C1orf87: variants seen among roughly 807,000 people sequenced by gnomAD.
C1orf87 encodes the protein uncharacterized protein C1orf87.
C1orf87 carries 58 observed loss-of-function variants against 60.5 expected under a neutral mutation model. The ratio of observed to expected loss-of-function variants is 0.96; its 90% CI spans 0.78 to 1.19. The LOEUF (loss-of-function observed/expected upper bound fraction) is 1.19, where lower values mean the gene tolerates loss of function less well. C1orf87 is among the 50% of genes most tolerant of loss of function. The pLI is 0.00. For missense variants in C1orf87, 673 were observed against 638.6 expected, an observed-to-expected ratio of 1.05 and a Z score of -0.58; for synonymous variants, 236 against 227.4, an observed-to-expected ratio of 1.04 and a Z score of -0.34.
intron 7 of C1orf87, among the ~76,000 whole-genome samples, chr1:60,031,981 A>AACACACACAC (rs56139918): frequency 6.7e-6 from 1 of 149,274 alleles, no homozygotes; most frequent in African/African-American, 2.5e-5. Flanking sequence ...ATAATATTCA[A>AACACACACAC]ACACACACAC....
At chr1:60,038,558 T>C (rs1300379503) in intron 5 of C1orf87, among the ~76,000 whole-genome samples, 2 of 152,202 alleles carry the variant, frequency 1.3e-5, no homozygotes, top group African/African-American at 2.4e-5. Context: ...TTTTTGTGGC[T>C]TTAAGCCACA....
At chr1:60,044,090 C>T (rs1362192266) in intron 3 of C1orf87, among the ~76,000 whole-genome samples, 1 of 152,140 alleles carries the variant, frequency 6.6e-6, no homozygotes, top group Non-Finnish European at 1.5e-5. Flanking sequence ...AGTGCAGTGG[C>T]GTGATCTCGG....
intron 6 of C1orf87, among the ~76,000 whole-genome samples, chr1:60,034,535 A>G (rs74828820): frequency 6.6e-6 from 1 of 152,184 alleles, no homozygotes; most frequent in Non-Finnish European, 1.5e-5. Context: ...ATCTTTAACA[A>G]TCAGCTTTGC....
At chr1:60,021,388 G>A in intron 8 of C1orf87, among the ~76,000 whole-genome samples, 1 of 152,264 alleles carries the variant, frequency 6.6e-6, no homozygotes, top group Middle Eastern at 3.4e-3. Flanking sequence ...ATACTGATAA[G>A]TGTTAGCAAA....
In C1orf87 at chr1:60,039,966, G is replaced by A; in HGVS notation, c.698C>T (p.Thr233Ile). The A allele has an allele frequency of 6.2e-7, 1 of 1,614,114 alleles. No individual in the cohort carries two copies. The highest frequency in any genetic ancestry group is 8.5e-7 in the Non-Finnish European group (1 of 1,179,978). The change falls in exon 5 of 12, where the codon ACA (threonine) becomes ATA (isoleucine). Residue 233 changes from threonine to isoleucine, a missense_variant. Thr to Ile is a moderately conservative substitution (Grantham distance 89). Coordinates refer to ENST00000371201, the MANE Select transcript of C1orf87 (RefSeq NM_152377.3). ...LKHEVPLQLP[T>I]VKILCQRFSK... ...AAATCTCTGACAAAGGATTTTAACTGTTGGTAACTGTAGAGGGACTTCATG... is the reference window on the plus strand; with the variant it reads ...AAATCTCTGACAAAGGATTTTAACTATTGGTAACTGTAGAGGGACTTCATG...
chr1:60,007,101 A>G lies in C1orf87; in HGVS notation c.1192+3291T>C, dbSNP rs146112052. Among the ~76,000 whole-genome samples the G allele has an allele frequency of 3.1e-3, 468 of 152,064 alleles. 1 individual carries two copies. Among genetic ancestry groups the G allele is most frequent in the African/African-American group, 0.011 (444 of 41,486 alleles). ...TAATTTCTTTATTATTTGTAGAGACAGGGTTTCACCTTGTTGCCCAGGCTG... is the reference window on the plus strand; with the variant it reads ...TAATTTCTTTATTATTTGTAGAGACGGGGTTTCACCTTGTTGCCCAGGCTG... On this transcript the variant is annotated intron_variant, in intron 9 of 11. Transcript: ENST00000371201.
At chr1:60,043,014 CAAGTG>C (rs1361024820) in intron 3 of C1orf87, among the ~76,000 whole-genome samples, 1 of 152,086 alleles carries the variant, frequency 6.6e-6, no homozygotes, top group African/African-American at 2.4e-5. Flanking sequence ...GATAGGCTAA[CAAGTG>C]GAGAGGGAGG....
At chr1:60,039,547 T>A (rs567592923) in intron 5 of C1orf87, among the ~76,000 whole-genome samples, 12 of 152,354 alleles carry the variant, frequency 7.9e-5, no homozygotes, top group Non-Finnish European at 1.8e-4. Context: ...GAAGTTGTGA[T>A]GACACAAAGC....
chr1:60,001,117 G>C lies in C1orf87; in HGVS notation c.1232C>G (p.Pro411Arg). 1.2e-6 allele frequency: 2 copies of C among 1,605,374 alleles called. No individual in the cohort carries two copies. Among genetic ancestry groups the C allele is most frequent in the Admixed American group, 1.7e-5 (1 of 58,880 alleles). ...EKKAPAPPME[P>R]EVPEMSQSKT... ...GCTTTGAGACATCTCGGGGACTTCA[G>C]GCTCCATTGGAGGGGCAGGGGCTTT... Residue 411 changes from proline (P) to arginine (R), a missense_variant, in exon 10 of 12, where the codon CCT (proline) becomes CGT (arginine). Transcript: ENST00000371201.
chr1:59,990,584 C>A lies in C1orf87; in HGVS notation c.*89G>T. ...ATCGGCCTCCACTCTGACAATGCCT[C>A]CGCCACTACACTTAGGCTGGGGAGA... On this transcript the variant is annotated 3_prime_UTR_variant, in exon 12 of 12. Transcript: ENST00000371201. 6.7e-7 allele frequency: 1 copy of A among 1,486,464 alleles called. No individual in the cohort carries two copies. Among genetic ancestry groups the A allele is most frequent in the South Asian group, 1.3e-5 (1 of 79,622 alleles). The allele number at this position is 1,486,464 out of a possible 1,614,324, so 92.1% of individuals were successfully genotyped here.
chr1:60,022,702 GTATTT>G (rs1645171924), intron 8 of C1orf87, among the ~76,000 whole-genome samples: 1 of 151,840 alleles, frequency 6.6e-6, no homozygotes, highest in Admixed American at 6.6e-5. Flanking sequence ...ACATAAGAAA[GTATTT>G]TACAGTTTAT....
At chr1:60,010,537 G>A in intron 8 of C1orf87, 81 bp from the exon 9 acceptor site, 1 of 1,221,728 alleles carries the variant, frequency 8.2e-7, no homozygotes, top group Admixed American at 1.8e-5. Context: ...GTTTATATTG[G>A]TAGTGATATT....
At chr1:60,027,378 C>A (rs1645206005) in intron 7 of C1orf87, among the ~76,000 whole-genome samples, 1 of 152,148 alleles carries the variant, frequency 6.6e-6, no homozygotes, top group Non-Finnish European at 1.5e-5. Flanking sequence ...TCTGCCCATT[C>A]CCCACAAAAA....
chr1:60,034,423 C>T (rs1048766303), intron 6 of C1orf87, among the ~76,000 whole-genome samples: 1 of 152,168 alleles, frequency 6.6e-6, no homozygotes, highest in Admixed American at 6.5e-5. Flanking sequence ...TCCTGTTTTC[C>T]ATTGTCTCAA....
intron 8 of C1orf87, among the ~76,000 whole-genome samples, chr1:60,019,164 G>A (rs1420329902): frequency 6.6e-6 from 1 of 152,194 alleles, no homozygotes; most frequent in Non-Finnish European, 1.5e-5. Flanking sequence ...CTGGTGGCAG[G>A]TGATTGGATC....
At chr1:59,998,370 T>G (rs1276338645) in intron 10 of C1orf87, among the ~76,000 whole-genome samples, 1 of 152,204 alleles carries the variant, frequency 6.6e-6, no homozygotes, top group Non-Finnish European at 1.5e-5. Context: ...ATCACACACA[T>G]CTTAGAGTAG....
Position 59,990,626 on chromosome 1 carries a change from A to C in C1orf87, c.*47T>G. On this transcript the variant is annotated 3_prime_UTR_variant, in exon 12 of 12. Coordinates refer to ENST00000371201, the MANE Select transcript of C1orf87 (RefSeq NM_152377.3). ...CTGGGGAGAAACATGTGTCTGGGTA[A>C]AAAGGGAGATAAGGGAAACATCTGT... 6.3e-7 allele frequency: 1 copy of C among 1,598,844 alleles called. No homozygotes were observed. The highest frequency in any genetic ancestry group is 8.6e-7 in the Non-Finnish European group (1 of 1,169,214).
At chr1:60,001,573 A>G (rs2100242743) in intron 9 of C1orf87, among the ~76,000 whole-genome samples, 2 of 152,174 alleles carry the variant, frequency 1.3e-5, no homozygotes, top group South Asian at 4.2e-4. Flanking sequence ...GGAGTTATCC[A>G]GGCAAAGATG....
intron 2 of C1orf87, among the ~76,000 whole-genome samples, chr1:60,066,745 T>G (rs1461621693): frequency 6.6e-6 from 1 of 152,060 alleles, no homozygotes; most frequent in Non-Finnish European, 1.5e-5. Context: ...GTTATATAGG[T>G]ATACACATGC....
Sources: allele counts gnomAD v4.1 joint callset (sites outside exome capture counted in the v4.1 genomes callset), GRCh38; gene constraint gnomAD v4.1.1; transcripts MANE v1.5; gene names NCBI Gene and HGNC (gene_info 2026-07-23, HGNC 2026-07-21).